Variants in ABCA6 observed in about 807,000 individuals in gnomAD.
ABCA6 encodes the protein ATP binding cassette subfamily A member 6, also known as ATP-binding cassette sub-family A member 6.
A neutral mutation model predicts 191.2 loss-of-function variants in ABCA6; 164 were observed. That is an observed-to-expected ratio of 0.86 (90% CI 0.76 to 0.98). ABCA6 has a LOEUF of 0.98. ABCA6 is among the 50% of genes least tolerant of loss of function. The pLI, the probability that ABCA6 is intolerant of heterozygous loss-of-function variation, is 0.00. For missense variants in ABCA6, 1,958 were observed against 1,894.1 expected, an observed-to-expected ratio of 1.03 and a Z score of -0.63; for synonymous variants, 636 against 647.7, an observed-to-expected ratio of 0.98 and a Z score of 0.27.
At chr17:69,140,796 G>A (rs182134230) in intron 1 of ABCA6, 48 bp from the exon 2 acceptor site, 9 of 639,880 alleles carry the variant, frequency 1.4e-5, no homozygotes, top group Admixed American at 1.0e-4. Flanking sequence ...ATAGTGTTGA[G>A]GAAAATATTT....
At position 69,084,477 on chromosome 17, in the gene ABCA6, C is replaced by T. The variant is rs764151379; in HGVS notation, c.4215G>A (p.Gln1405=). 10 of 1,614,038 alleles carry T rather than the reference C, an allele frequency of 6.2e-6. No individual in the cohort carries two copies. Among genetic ancestry groups the T allele is most frequent in the Non-Finnish European group, 7.6e-6 (9 of 1,180,030 alleles). Residue 1405 remains glutamine, a synonymous_variant, in exon 33 of 39, where the codon CAG becomes CAA. Transcript: ENST00000284425. ...RLVSAFKLHE[Q]LNVPVQKLTA... is the part of the protein sequence containing the mutation. The stretch of plus-strand genomic sequence containing the variant: ...TTAATTTCTGCACAGGAACATTCAG[C>T]TGCTCATGCAGTTTGAAAGCACTCA...
chr17:69,083,111 G>T lies in ABCA6; in HGVS notation c.4476-98C>A, dbSNP rs2072682125. On this transcript the variant is annotated intron_variant, in intron 35 of 38. Coordinates refer to ENST00000284425, the MANE Select transcript of ABCA6 (RefSeq NM_080284.3). ...ATGTAGAAGAAAAGGTGTCACCAAG[G>T]AAGCCAAACGGAAGGGCTCCAGCCA... is the stretch of plus-strand genomic sequence containing the variant. The T allele has an allele frequency of 1.3e-6, 2 of 1,572,788 alleles. 1 individual carries two copies. The highest frequency in any genetic ancestry group is 3.6e-5 in the Admixed American group (2 of 54,980).
At chr17:69,089,616 A>C in intron 26 of ABCA6, 74 bp from the exon 27 acceptor site, 1 of 1,224,302 alleles carries the variant, frequency 8.2e-7, no homozygotes, top group Admixed American at 2.0e-5. Flanking sequence ...TAAATAATAT[A>C]AAATTCACAT....
chr17:69,125,559 T>C (rs1042822742), intron 8 of ABCA6, among the ~76,000 whole-genome samples: 1 of 152,102 alleles, frequency 6.6e-6, no homozygotes, highest in African/African-American at 2.4e-5. Context: ...CAATAAGGCT[T>C]ATAAAAATAA....
chr17:69,080,275 A>G (rs1354754856), intron 37 of ABCA6, among the ~76,000 whole-genome samples: 1 of 152,156 alleles, frequency 6.6e-6, no homozygotes, highest in Non-Finnish European at 1.5e-5. Flanking sequence ...CACTAATAGT[A>G]TCCATCATTG....
intron 22 of ABCA6, 138 bp from the exon 23 acceptor site, chr17:69,098,165 G>A: frequency 2.0e-6 from 1 of 511,676 alleles, no homozygotes. Context: ...GCACGAAGGT[G>A]GGAGGGAAAG....
intron 17 of ABCA6, chr17:69,108,627 T>C (rs939905875): frequency 6.6e-6 from 1 of 152,130 alleles, no homozygotes; most frequent in Admixed American, 6.6e-5. Flanking sequence ...AACTCTTCTA[T>C]GGAGATACTT....
intron 25 of ABCA6, among the ~76,000 whole-genome samples, chr17:69,093,958 C>T (rs757208652): frequency 1.3e-5 from 2 of 152,228 alleles, no homozygotes; most frequent in Non-Finnish European, 2.9e-5. Context: ...CTTTGTTTTC[C>T]AAAACGTACC....
At chr17:69,086,784 G>A in intron 29 of ABCA6, 49 bp from the exon 30 acceptor site, 2 of 1,291,420 alleles carry the variant, frequency 1.5e-6, no homozygotes, top group Non-Finnish European at 2.2e-6. Context: ...AGAGACTTTA[G>A]GTCTCTGCTG....
intron 22 of ABCA6, among the ~76,000 whole-genome samples, chr17:69,100,304 G>A (rs1468512283): frequency 1.3e-5 from 2 of 151,744 alleles, no homozygotes; most frequent in African/African-American, 2.4e-5. Context: ...CAGCCTGTGT[G>A]TATTAGGCTC....
intron 1 of ABCA6, 85 bp downstream of exon 1, chr17:69,141,660 T>C (rs2144733570): frequency 6.6e-6 from 1 of 152,176 alleles, no homozygotes; most frequent in South Asian, 2.1e-4. Flanking sequence ...CACATAAGAA[T>C]TGGGAAACAT....
Position 69,100,878 on chromosome 17 carries a change from A to G in ABCA6, c.2931T>C (p.Leu977=). Residue 977 remains leucine (L), a synonymous_variant, in exon 22 of 39, where the codon CTT becomes CTC. Transcript: ENST00000284425. ...GTAGCCCATTGCTGATAATATTCAT[A>G]AGAATTGGAAAACAGTGCAATCTCT... ...NTKRLHCFPI[L]MNIISNGLLQ... The G allele has an allele frequency of 1.2e-6, 2 of 1,611,140 alleles. No homozygotes were observed. The highest frequency in any genetic ancestry group is 2.2e-5 in the South Asian group (2 of 90,796).
intron 26 of ABCA6, 47 bp downstream of exon 26, chr17:69,091,096 T>G: frequency 6.3e-7 from 1 of 1,575,302 alleles, no homozygotes; most frequent in Non-Finnish European, 8.6e-7. Context: ...AGCACTTTAA[T>G]AAGCTACATA....
In ABCA6 at chr17:69,127,950, C is replaced by G. The variant is rs146882577; in HGVS notation, c.1119+669G>C. On this transcript the variant is annotated intron_variant, in intron 8 of 38. Coordinates refer to ENST00000284425, the MANE Select transcript of ABCA6 (RefSeq NM_080284.3). ...ACTCTACACTATAGCTACACAGAAA[C>G]TATGCTGCCACCTAAAAACGTCATG... Among the ~76,000 whole-genome samples the G allele has an allele frequency of 7.2e-3, 1,094 of 152,202 alleles. 15 individuals carry two copies. Among genetic ancestry groups the G allele is most frequent in the African/African-American group, 0.025 (1,049 of 41,556 alleles).
intron 37 of ABCA6, among the ~76,000 whole-genome samples, chr17:69,080,861 C>T (rs772408875): frequency 5.3e-5 from 8 of 152,108 alleles, no homozygotes; most frequent in Admixed American, 1.3e-4. Flanking sequence ...AGCTTCGGTC[C>T]CTGCACTGGA....
Position 69,085,633 on chromosome 17 carries a change from C to A in ABCA6, c.4021G>T (p.Ala1341Ser), listed in dbSNP as rs561371331. The A allele has an allele frequency of 2.0e-5, 32 of 1,611,002 alleles. 2 individuals are homozygous for A. In the South Asian group the frequency reaches 3.3e-4, roughly 17 times the overall value. ...AACCATTTCCTCACTACCTCTCCAG[C>A]AGTTGGCTTTGTGATCCCAGATATC... Reference protein sequence around the residue: ...RMISGITKPTAGEVELKGCSS... With the variant: ...RMISGITKPTSGEVELKGCSS... The change falls in exon 31 of 39, where the codon GCT (alanine) becomes TCT (serine). Residue 1341 changes from alanine (A) to serine (S), a missense_variant. By Grantham distance (99) the Ala-to-Ser change is moderately conservative. Transcript: ENST00000284425.
At chr17:69,113,408 T>G (rs1437812547) in intron 14 of ABCA6, 48 bp from the exon 15 acceptor site, 4 of 1,562,576 alleles carry the variant, frequency 2.6e-6, no homozygotes, top group Non-Finnish European at 3.5e-6. Context: ...TCACATTAAC[T>G]GTATCCAGAA....
Position 69,106,111 on chromosome 17 carries a change from C to A in ABCA6, c.2490G>T (p.Met830Ile). 1 of 1,613,864 alleles carries A rather than the reference C, an allele frequency of 6.2e-7. No individual in the cohort carries two copies. The highest frequency in any genetic ancestry group is 8.5e-7 in the Non-Finnish European group (1 of 1,179,868). Reference protein sequence around the residue: ...FSEMQTAVSDMGLWRMQVFAM... With the variant: ...FSEMQTAVSDIGLWRMQVFAM... ...CAAAGACTTGCATTCTCCAGAGGCCCATGTCACTCACAGCTGTCTGCATTT... is the reference window on the plus strand; with the variant it reads ...CAAAGACTTGCATTCTCCAGAGGCCAATGTCACTCACAGCTGTCTGCATTT... Residue 830 changes from methionine to isoleucine, a missense_variant, in exon 19 of 39, where the codon ATG becomes ATT. Met to Ile is a conservative substitution (Grantham distance 10). Transcript: ENST00000284425.
At chr17:69,130,581 A>C (rs1398843319) in intron 6 of ABCA6, among the ~76,000 whole-genome samples, 2 of 152,172 alleles carry the variant, frequency 1.3e-5, no homozygotes, top group Admixed American at 6.5e-5. Flanking sequence ...ATGGAAATTT[A>C]GGTTGTTTTC....
Sources: allele counts gnomAD v4.1 joint callset (sites outside exome capture counted in the v4.1 genomes callset), GRCh38; gene constraint gnomAD v4.1.1; transcripts MANE v1.5; gene names NCBI Gene and HGNC (gene_info 2026-07-23, HGNC 2026-07-21).